Variants in MYO5A observed in about 807,000 individuals in gnomAD.
MYO5A encodes myosin VA, also known as unconventional myosin-Va.
Under a neutral mutation model 249.7 loss-of-function variants are expected in MYO5A, and 98 were observed. The observed-to-expected ratio is 0.39, with a 90% confidence interval of 0.33 to 0.46. The LOEUF is 0.46. MYO5A is among the 20% of genes least tolerant of loss of function. The pLI is 0.98. For synonymous variants in MYO5A, 778 were observed against 810.6 expected, an observed-to-expected ratio of 0.96 and a Z score of 0.68; for missense variants, 1,696 against 2,308.8, an observed-to-expected ratio of 0.73 and a Z score of 5.44.
At chr15:52,448,822 T>A (rs985538053) in intron 1 of MYO5A, among the ~76,000 whole-genome samples, 1 of 152,096 alleles carries the variant, frequency 6.6e-6, no homozygotes, top group Admixed American at 6.5e-5. Context: ...CCTTCTGCCA[T>A]GATTGTAAAT....
chr15:52,337,943 T>C (rs2039196604), intron 32 of MYO5A, 59 bp from the exon 33 acceptor site: 1 of 1,137,088 alleles, frequency 8.8e-7, no homozygotes, highest in South Asian at 1.5e-5. Context: ...GGAAATGCTA[T>C]CTTTCAGCAA....
rs572027205 is a variant in MYO5A at position 52,313,662 on chromosome 15, A to C, written c.*34T>G. The C allele has an allele frequency of 6.2e-7, 1 of 1,612,872 alleles. No homozygotes were observed. Among genetic ancestry groups the C allele is most frequent in the Admixed American group, 1.7e-5 (1 of 60,010 alleles). Reference sequence around the variant, plus strand: ...ATAATGGGTTCTTATTTCGGGCAAGAAATGTATTGTCAATTTTTGCCTGGA... The same window carrying C: ...ATAATGGGTTCTTATTTCGGGCAAGCAATGTATTGTCAATTTTTGCCTGGA... On this transcript the variant is annotated 3_prime_UTR_variant, in exon 42 of 42. Coordinates refer to ENST00000399233, the MANE Select transcript of MYO5A (RefSeq NM_001382347.1).
chr15:52,435,393 C>T (rs1286061480), intron 1 of MYO5A, among the ~76,000 whole-genome samples: 7 of 151,416 alleles, frequency 4.6e-5, no homozygotes, highest in South Asian at 2.1e-4. Flanking sequence ...TCTCCTGCCT[C>T]GGCCTCCCGA....
Position 52,445,371 on chromosome 15 carries a change from C to T in MYO5A, c.28-12086G>A, listed in dbSNP as rs142535495. Among the ~76,000 whole-genome samples, 70 of 152,252 alleles carry T rather than the reference C, an allele frequency of 4.6e-4. 1 individual carries two copies. In the East Asian group the frequency reaches 7.3e-3, roughly 16 times the overall value. ...CTCCCTAGAAGCAGATGCCGCCATG[C>T]TTCATGTACAGCCTGCAGAACCGTA... On this transcript the variant is annotated intron_variant, in intron 1 of 41. Coordinates refer to ENST00000399233, the MANE Select transcript of MYO5A (RefSeq NM_001382347.1).
rs78741575 is a variant in MYO5A at position 52,519,480 on chromosome 15, C to T, written c.27+9300G>A. 4.3e-3 allele frequency among the ~76,000 whole-genome samples: 653 copies of T among 152,150 alleles called. 10 individuals are homozygous for T. In the East Asian group the frequency reaches 0.053, roughly 12 times the overall value. On this transcript the variant is annotated intron_variant, in intron 1 of 41. Coordinates refer to ENST00000399233, the MANE Select transcript of MYO5A (RefSeq NM_001382347.1). ...TTAAAAAATTAGCCAGGCATGGTGG[C>T]ATGCGCTTACAGTCCCGGTTACTCA... is the stretch of plus-strand genomic sequence containing the variant.
intron 1 of MYO5A, among the ~76,000 whole-genome samples, chr15:52,526,723 T>TA (rs1566885208): frequency 3.3e-5 from 5 of 152,198 alleles, no homozygotes. Flanking sequence ...AGGTAAATTT[T>TA]AAAATAGATT....
chr15:52,377,336 T>C (rs2414146), intron 18 of MYO5A, among the ~76,000 whole-genome samples: 143,186 of 151,720 alleles, frequency 0.94, 68,130 homozygotes, highest in East Asian at 1. Flanking sequence ...GCAGGGGAAT[T>C]GCTTGAACCC....
intron 9 of MYO5A, among the ~76,000 whole-genome samples, chr15:52,401,950 C>T (rs2042777368): frequency 6.6e-6 from 1 of 152,172 alleles, no homozygotes; most frequent in African/African-American, 2.4e-5. Flanking sequence ...TTAATTTTGG[C>T]ATTCTTAGCA....
chr15:52,417,026 A>G (rs2043531707), intron 4 of MYO5A, among the ~76,000 whole-genome samples: 1 of 152,184 alleles, frequency 6.6e-6, no homozygotes, highest in South Asian at 2.1e-4. Context: ...TCTTCGTGAT[A>G]AGGCACAGTG....
intron 27 of MYO5A, among the ~76,000 whole-genome samples, chr15:52,351,798 T>G (rs1430252641): frequency 6.6e-6 from 1 of 152,226 alleles, no homozygotes; most frequent in East Asian, 1.9e-4. Flanking sequence ...GTTTAGCCAG[T>G]GCTATGGAGC....
intron 10 of MYO5A, 28 bp downstream of exon 10, chr15:52,397,173 G>A (rs2042525478): frequency 1.2e-6 from 2 of 1,611,440 alleles, no homozygotes; most frequent in African/African-American, 1.3e-5. Flanking sequence ...AATGTTCTCT[G>A]GCAGACCAAT....
chr15:52,362,789 G>A (rs972389228), intron 24 of MYO5A, among the ~76,000 whole-genome samples: 11 of 152,202 alleles, frequency 7.2e-5, no homozygotes, highest in East Asian at 1.9e-4. Context: ...TGGAGGAGGC[G>A]TCACTGGAGG....
chr15:52,374,737 G>C (rs1029655474), intron 20 of MYO5A, among the ~76,000 whole-genome samples: 3 of 152,226 alleles, frequency 2.0e-5, no homozygotes, highest in Non-Finnish European at 4.4e-5. Context: ...TCTGGAAGGA[G>C]AGCAGCCTGC....
intron 6 of MYO5A, among the ~76,000 whole-genome samples, chr15:52,409,917 A>T (rs545773811): frequency 1.3e-5 from 2 of 152,254 alleles, no homozygotes; most frequent in East Asian, 3.9e-4. Flanking sequence ...TATCTAAACA[A>T]TAATATATTC....
At position 52,406,006 on chromosome 15, in the gene MYO5A, T is replaced by A. The variant is rs184768442; in HGVS notation, c.947-613A>T. ...TAGAAGCGTTTAGGCTGGTGCTATATCCCAGCCTGATGAGTATGCGTCCAA... is the reference window on the plus strand; with the variant it reads ...TAGAAGCGTTTAGGCTGGTGCTATAACCCAGCCTGATGAGTATGCGTCCAA... On this transcript the variant is annotated intron_variant, in intron 8 of 41. Coordinates refer to ENST00000399233, the MANE Select transcript of MYO5A (RefSeq NM_001382347.1). 3.3e-5 allele frequency among the ~76,000 whole-genome samples: 5 copies of A among 152,310 alleles called. No homozygotes were observed. The East Asian group carries it at 9.6e-4, about 29-fold the overall frequency.
chr15:52,421,269 C>T (rs1869126), intron 4 of MYO5A, among the ~76,000 whole-genome samples: 22,430 of 152,010 alleles, frequency 0.15, 1,785 homozygotes, highest in Middle Eastern at 0.22. Context: ...GACCACATAA[C>T]CAAATGACGG....
At chr15:52,466,974 T>C (rs2076366225) in intron 1 of MYO5A, among the ~76,000 whole-genome samples, 1 of 152,206 alleles carries the variant, frequency 6.6e-6, no homozygotes. Context: ...ACAACCAGCA[T>C]TCAAGAAAGC....
chr15:52,380,894 C>T (rs773527200), intron 16 of MYO5A, among the ~76,000 whole-genome samples: 10 of 152,212 alleles, frequency 6.6e-5, no homozygotes, highest in Non-Finnish European at 1.3e-4. Flanking sequence ...AAAGACTGGT[C>T]AACCCTGGAG....
At chr15:52,401,262 G>C (rs1391446520) in intron 9 of MYO5A, among the ~76,000 whole-genome samples, 1 of 152,008 alleles carries the variant, frequency 6.6e-6, no homozygotes, top group Non-Finnish European at 1.5e-5. Flanking sequence ...TAGAGAGAGG[G>C]TTTTGCCATG....
Sources: gnomAD v4.1 joint callset for allele counts (sites outside exome capture counted in the v4.1 genomes callset) on GRCh38, gnomAD v4.1.1 for gene constraint, MANE v1.5 for transcripts, NCBI Gene and HGNC (gene_info 2026-07-23, HGNC 2026-07-21) for gene names.